HIVEP3: variants seen among roughly 807,000 people sequenced by gnomAD.
HIVEP3 encodes transcription factor HIVEP3.
In HIVEP3, 49 loss-of-function variants were observed where a neutral mutation model predicts 152.8. The observed-to-expected ratio is 0.32, with a 90% CI of 0.26 to 0.41. HIVEP3 has a LOEUF of 0.41. HIVEP3 is among the 10% of genes least tolerant of loss of function. The pLI, the probability that HIVEP3 is intolerant of heterozygous loss-of-function variation, is 1.00. For missense variants in HIVEP3, 2,790 were observed against 3,103.3 expected, an observed-to-expected ratio of 0.90 and a Z score of 2.40; for synonymous variants, 1,269 against 1,289.0, an observed-to-expected ratio of 0.98 and a Z score of 0.33.
At chr1:41,825,100 C>G (rs1642758568) in intron 1 of HIVEP3, among the ~76,000 whole-genome samples, 1 of 151,978 alleles carries the variant, frequency 6.6e-6, no homozygotes, top group Non-Finnish European at 1.5e-5. Context: ...TGCAGGCGGG[C>G]TGAGTCTGAG....
chr1:41,910,512 A>G (rs979385755), intron 1 of HIVEP3, among the ~76,000 whole-genome samples: 8 of 152,000 alleles, frequency 5.3e-5, no homozygotes, highest in Non-Finnish European at 1.2e-4. Context: ...TTACAAATTC[A>G]GCAAAACCAT....
At chr1:41,983,104 C>T (rs1645302898) in intron 1 of HIVEP3, among the ~76,000 whole-genome samples, 1 of 152,214 alleles carries the variant, frequency 6.6e-6, no homozygotes, top group Non-Finnish European at 1.5e-5. Flanking sequence ...AATCTAATGC[C>T]CTGCTCATCT....
chr1:41,673,422 C>A (rs547569235), intron 2 of HIVEP3, among the ~76,000 whole-genome samples: 14 of 152,324 alleles, frequency 9.2e-5, no homozygotes, highest in African/African-American at 3.1e-4. Flanking sequence ...GTTTCCCCAG[C>A]AGCCACAGGA....
intron 3 of HIVEP3, among the ~76,000 whole-genome samples, chr1:41,626,405 A>C (rs1471957183): frequency 6.6e-6 from 1 of 152,208 alleles, no homozygotes; most frequent in Non-Finnish European, 1.5e-5. Context: ...TGGAACTGAC[A>C]GCTCATTTCC....
At chr1:41,928,019 G>A (rs1644976601) in intron 1 of HIVEP3, among the ~76,000 whole-genome samples, 1 of 124,064 alleles carries the variant, frequency 8.1e-6, no homozygotes, top group Non-Finnish European at 1.6e-5. Context: ...CGAGATTGCA[G>A]CATTACACTC....
At chr1:41,709,784 AC>A (rs1646486377) in intron 1 of HIVEP3, among the ~76,000 whole-genome samples, 2 of 151,914 alleles carry the variant, frequency 1.3e-5, no homozygotes, top group Non-Finnish European at 2.9e-5. Flanking sequence ...CAGCTCAGTA[AC>A]CCCCGCCCTC....
At chr1:41,761,585 T>C (rs1307799076) in intron 1 of HIVEP3, among the ~76,000 whole-genome samples, 1 of 152,162 alleles carries the variant, frequency 6.6e-6, no homozygotes, top group African/African-American at 2.4e-5. Flanking sequence ...CATGTGTGCA[T>C]GTATGTGTGC....
chr1:41,555,706 A>ATCCAGCTCCACGACTG (rs1201296051), intron 5 of HIVEP3, among the ~76,000 whole-genome samples: 1 of 152,254 alleles, frequency 6.6e-6, no homozygotes, highest in South Asian at 2.1e-4. Context: ...CATTACCACC[A>ATCCAGCTCCACGACTG]TCCAGCTCCA....
chr1:41,658,732 T>A (rs1229152384), intron 2 of HIVEP3, among the ~76,000 whole-genome samples: 3 of 152,240 alleles, frequency 2.0e-5, no homozygotes, highest in South Asian at 2.1e-4. Flanking sequence ...GGCAGATTAG[T>A]CCACAGAGTG....
At chr1:41,852,911 T>C (rs1195854479) in intron 1 of HIVEP3, among the ~76,000 whole-genome samples, 3 of 152,226 alleles carry the variant, frequency 2.0e-5, no homozygotes, top group Admixed American at 6.5e-5. Flanking sequence ...CACGCAGAAC[T>C]GTGTAAAGTT....
intron 1 of HIVEP3, among the ~76,000 whole-genome samples, chr1:41,729,440 C>G (rs1441545122): frequency 6.6e-6 from 1 of 152,238 alleles, no homozygotes; most frequent in Non-Finnish European, 1.5e-5. Flanking sequence ...CTGCCTCACT[C>G]CCTCAACTCT....
chr1:41,584,870 C>A lies in HIVEP3; in HGVS notation c.-73G>T. The A allele has an allele frequency of 7.5e-7, 1 of 1,341,180 alleles. No individual in the cohort carries two copies. Among genetic ancestry groups the A allele is most frequent in the Non-Finnish European group, 9.9e-7 (1 of 1,013,696 alleles). The allele number at this position is 1,341,180 out of a possible 1,614,324, so 83.1% of individuals were successfully genotyped here. A position where few individuals can be genotyped will look rare whatever the true frequency, so the allele number is the denominator to read the frequency against. On this transcript the variant is annotated 5_prime_UTR_variant, in exon 4 of 9. Transcript: ENST00000372583. This position sits in a 1 kb window ranked among gnomAD's most constrained non-coding sequence, Gnocchi z 5.2. ...CTGCATTTATGAATAATCCCAGTGTCCCAAGGAGGTGTCCAGCTTTGGCCA... is the reference window on the plus strand; with the variant it reads ...CTGCATTTATGAATAATCCCAGTGTACCAAGGAGGTGTCCAGCTTTGGCCA...
chr1:41,703,889 G>A (rs748212441), intron 1 of HIVEP3, among the ~76,000 whole-genome samples: 85 of 152,200 alleles, frequency 5.6e-4, no homozygotes, highest in Non-Finnish European at 1.2e-3. Flanking sequence ...GAGGAGATTC[G>A]TGATTCCAGG....
At chr1:41,857,503 A>AG (rs1557453513) in intron 1 of HIVEP3, among the ~76,000 whole-genome samples, 2 of 149,246 alleles carry the variant, frequency 1.3e-5, no homozygotes, top group East Asian at 3.9e-4. Context: ...AACCAAGTAT[A>AG]GAAAAAAAAA....
At chr1:41,672,604 G>A (rs1192991606) in intron 2 of HIVEP3, among the ~76,000 whole-genome samples, 2 of 152,182 alleles carry the variant, frequency 1.3e-5, no homozygotes, top group Non-Finnish European at 2.9e-5. Context: ...TACAGGTGAA[G>A]AAAAGGGTTT....
intron 2 of HIVEP3, among the ~76,000 whole-genome samples, chr1:41,686,041 T>TTTTG (rs532673755): frequency 1.2e-4 from 19 of 152,040 alleles, no homozygotes; most frequent in African/African-American, 1.9e-4. Context: ...ACTGTGGTTT[T>TTTTG]TTTGTTTGTT....
chr1:41,576,673 C>T (rs1644332171), intron 4 of HIVEP3, among the ~76,000 whole-genome samples: 1 of 152,196 alleles, frequency 6.6e-6, no homozygotes, highest in African/African-American at 2.4e-5. Flanking sequence ...AGCCACCACA[C>T]CTGCCCCCAC....
At chr1:41,963,885 G>A (rs1463665345) in intron 1 of HIVEP3, among the ~76,000 whole-genome samples, 1 of 152,184 alleles carries the variant, frequency 6.6e-6, no homozygotes, top group African/African-American at 2.4e-5. Context: ...CTCAGATTCT[G>A]ACGTAATATG....
At position 41,951,981 on chromosome 1, in the gene HIVEP3, C is replaced by T. The variant is rs12079278; in HGVS notation, n.120-33457G>A. Among the ~76,000 whole-genome samples, 195 of 152,222 alleles carry T rather than the reference C, an allele frequency of 1.3e-3. 2 individuals are homozygous for T. The highest frequency in any genetic ancestry group is 4.3e-3 in the African/African-American group (180 of 41,526). ...AAAACATGTAGTTAGAAATAAATTA[C>T]GTGAACAACTAGACATTCCCTGACA... On this transcript the variant is annotated intron_variant and non_coding_transcript_variant, in intron 1 of 3. Coordinates refer to the HIVEP3 transcript ENST00000489103.
Sources: gnomAD v4.1 joint callset for allele counts (sites outside exome capture counted in the v4.1 genomes callset) on GRCh38, gnomAD v4.1.1 for gene constraint, Gnocchi (gnomAD v3.1) non-coding constraint, MANE v1.5 for transcripts, NCBI Gene and HGNC (gene_info 2026-07-23, HGNC 2026-07-21) for gene names.